Variants in FBXO10 observed in about 807,000 individuals in gnomAD.
FBXO10 encodes F-box protein 10, also known as F-box only protein 10.
FBXO10 carries 39 observed loss-of-function variants against 80.7 expected under a neutral mutation model. The ratio of observed to expected loss-of-function variants is 0.48; its 90% CI spans 0.37 to 0.63. The LOEUF is 0.63. FBXO10 is among the 30% of genes least tolerant of loss of function. The pLI is 0.00. For synonymous variants in FBXO10, 449 were observed against 489.6 expected, an observed-to-expected ratio of 0.92 and a Z score of 1.09; for missense variants, 1,025 against 1,269.0, an observed-to-expected ratio of 0.81 and a Z score of 2.92.
At chr9:37,567,297 C>T (rs971157640) in intron 1 of FBXO10, among the ~76,000 whole-genome samples, 1 of 150,712 alleles carries the variant, frequency 6.6e-6, no homozygotes, top group Non-Finnish European at 1.5e-5. Context: ...CACACGCTAC[C>T]ACACCCAGCT....
intron 3 of FBXO10, 104 bp downstream of exon 3, chr9:37,537,006 A>G (rs551228841): frequency 1.1e-4 from 97 of 868,294 alleles, no homozygotes; most frequent in Non-Finnish European, 1.6e-4. Context: ...GCGTGCGTGA[A>G]TAAGTTTAAA....
Position 37,576,365 on chromosome 9 carries a change from G to A in FBXO10, c.-161C>T, listed in dbSNP as rs1412836923. 1 of 152,180 alleles carries A rather than the reference G, an allele frequency of 6.6e-6. No homozygotes were observed. Among genetic ancestry groups the A allele is most frequent in the African/African-American group, 2.4e-5 (1 of 41,458 alleles). The allele number at this position is 152,180 out of a possible 1,614,324, so 9.4% of individuals were successfully genotyped here. ...GACAGCTGCCTGGGGATCGTGCGGA[G>A]CCGCCGCCGTCATGTGACGCGCAAG... On this transcript the variant is annotated 5_prime_UTR_variant, in exon 1 of 11. Coordinates refer to ENST00000432825, the MANE Select transcript of FBXO10 (RefSeq NM_012166.3).
chr9:37,515,891 C>T lies in FBXO10; in HGVS notation c.2696+13G>A. 1 of 1,611,956 alleles carries T rather than the reference C, an allele frequency of 6.2e-7. No homozygotes were observed. The highest frequency in any genetic ancestry group is 8.5e-7 in the Non-Finnish European group (1 of 1,178,772). ...GCTCTAGAGGACTCGTTCAGGCAAC[C>T]CCAAGCACTCACTTTTTCTTGAAGA... On this transcript the variant is annotated intron_variant, in intron 10 of 10. Coordinates refer to ENST00000432825, the MANE Select transcript of FBXO10 (RefSeq NM_012166.3).
chr9:37,536,981 T>TG (rs1234497490), intron 3 of FBXO10, 129 bp downstream of exon 3: 1 of 662,600 alleles, frequency 1.5e-6, no homozygotes, highest in African/African-American at 1.8e-5. Context: ...AATCAGATGA[T>TG]GGGCATGACG....
chr9:37,516,897 G>C (rs1183777816), intron 9 of FBXO10, among the ~76,000 whole-genome samples: 1 of 148,378 alleles, frequency 6.7e-6, no homozygotes, highest in Non-Finnish European at 1.5e-5. Context: ...GGAGGCGGAG[G>C]TTGCAGTGAG....
At chr9:37,525,636 A>C (rs1422837877) in intron 5 of FBXO10, among the ~76,000 whole-genome samples, 1 of 151,178 alleles carries the variant, frequency 6.6e-6, no homozygotes. Context: ...TGCAACCTCC[A>C]CCTCCTGGGT....
intron 1 of FBXO10, among the ~76,000 whole-genome samples, chr9:37,546,469 A>G (rs1822058890): frequency 6.6e-6 from 1 of 152,166 alleles, no homozygotes; most frequent in Non-Finnish European, 1.5e-5. Flanking sequence ...AATTTATTCT[A>G]ATTTTCCACT....
rs544122958 is a variant in FBXO10 at position 37,512,448 on chromosome 9, C to T, written c.*99G>A. ...TTTGGAGGCCCGGGACCCATTTGTT[C>T]GAGGGGGAGGGGGAGGGGCGGAGTC... On this transcript the variant is annotated 3_prime_UTR_variant, in exon 11 of 11. Transcript: ENST00000432825. 1.1e-3 allele frequency: 1,535 copies of T among 1,389,284 alleles called. 3 individuals carry two copies. Among genetic ancestry groups the T allele is most frequent in the Non-Finnish European group, 1.4e-3 (1,419 of 1,017,716 alleles). The allele number at this position is 1,389,284 out of a possible 1,614,324, so 86.1% of individuals were successfully genotyped here. A position where few individuals can be genotyped will look rare whatever the true frequency, so the allele number is the denominator to read the frequency against.
At chr9:37,529,837 C>CTTTT (rs34740759) in intron 4 of FBXO10, among the ~76,000 whole-genome samples, 8 of 140,784 alleles carry the variant, frequency 5.7e-5, no homozygotes, top group African/African-American at 1.8e-4. Context: ...CAAGAGATAT[C>CTTTT]TTTTTTTTTT....
chr9:37,553,012 TTGTGTGTGTGTGTGTGTGTGTGTGTG>T (rs74171513), intron 1 of FBXO10, among the ~76,000 whole-genome samples: 4 of 144,374 alleles, frequency 2.8e-5, no homozygotes, highest in Non-Finnish European at 4.6e-5. Context: ...CCAATTCAGG[TTGTGTGTGTGTGTGTGTGTGTGTGTG>T]TGTGTGTGTG....
chr9:37,516,448 G>C (rs1162102084), intron 9 of FBXO10, among the ~76,000 whole-genome samples: 2 of 152,210 alleles, frequency 1.3e-5, no homozygotes, highest in African/African-American at 2.4e-5. Flanking sequence ...TGCTCCCACA[G>C]TGCTCAGAGG....
chr9:37,516,403 A>G (rs1244402065), intron 9 of FBXO10, among the ~76,000 whole-genome samples: 1 of 152,202 alleles, frequency 6.6e-6, no homozygotes, highest in African/African-American at 2.4e-5. Context: ...TGGCAACCCA[A>G]CTGAGACGAA....
intron 9 of FBXO10, 106 bp downstream of exon 9, chr9:37,518,019 T>C (rs923887294): frequency 2.6e-6 from 3 of 1,172,530 alleles, no homozygotes; most frequent in Non-Finnish European, 3.6e-6. Flanking sequence ...CTGTCCCTTG[T>C]AGTGCTGAGT....
intron 3 of FBXO10, 85 bp from the exon 4 acceptor site, chr9:37,532,143 C>T (rs1821641953): frequency 7.0e-7 from 1 of 1,425,272 alleles, no homozygotes; most frequent in African/African-American, 1.4e-5. Context: ...GTCTTTTCCG[C>T]ACCACCTGAT....
chr9:37,528,527 C>T (rs932664634), intron 5 of FBXO10, among the ~76,000 whole-genome samples: 4 of 152,168 alleles, frequency 2.6e-5, no homozygotes, highest in African/African-American at 9.7e-5. Flanking sequence ...TACCCATATT[C>T]CAAAGTCTGA....
Position 37,541,568 on chromosome 9 carries a change from C to G in FBXO10, c.201G>C (p.Glu67Asp). The G allele has an allele frequency of 6.2e-7, 1 of 1,613,722 alleles. No individual in the cohort carries two copies. The highest frequency in any genetic ancestry group is 8.5e-7 in the Non-Finnish European group (1 of 1,179,748). The part of the protein sequence containing the change: ...HPNWPNQPDV[E>D]PESWREAFKQ... Reference sequence around the variant, plus strand: ...TGAAGGCTTCTCTCCAAGACTCAGGCTCCACATCTGGCTGGTTGGGCCAAT... The same window carrying G: ...TGAAGGCTTCTCTCCAAGACTCAGGGTCCACATCTGGCTGGTTGGGCCAAT... Residue 67 changes from glutamate to aspartate, a missense_variant, in exon 2 of 11, where the codon GAG becomes GAC. Transcript: ENST00000432825.
In FBXO10 at chr9:37,541,288, A is replaced by G. The variant is rs772463437; in HGVS notation, c.481T>C (p.Leu161=). The change falls in exon 2 of 11, where the codon TTG becomes CTG. Residue 161 remains leucine (L), a synonymous_variant. Coordinates refer to ENST00000432825, the MANE Select transcript of FBXO10 (RefSeq NM_012166.3). The part of the protein sequence containing the change: ...VPVEIVGQGK[L]GEVALLASID... ...CTGGCCAGCAGGGCCACTTCACCCA[A>G]CTTCCCCTGCCCTACAATCTCCACA... is the stretch of plus-strand genomic sequence containing the variant. The G allele has an allele frequency of 6.2e-7, 1 of 1,613,934 alleles. No individual in the cohort carries two copies. Among genetic ancestry groups the G allele is most frequent in the Non-Finnish European group, 8.5e-7 (1 of 1,179,872 alleles).
chr9:37,544,868 C>A (rs1384145588), intron 1 of FBXO10, among the ~76,000 whole-genome samples: 1 of 151,462 alleles, frequency 6.6e-6, no homozygotes, highest in Non-Finnish European at 1.5e-5. Context: ...GTGGCGGGTG[C>A]CTGTAGTCCC....
At chr9:37,542,338 GT>G (rs1225354990) in intron 1 of FBXO10, among the ~76,000 whole-genome samples, 1 of 151,740 alleles carries the variant, frequency 6.6e-6, no homozygotes, top group Non-Finnish European at 1.5e-5. Context: ...GCTCAGGCCT[GT>G]AATCCCAGCA....
Sources: allele counts gnomAD v4.1 joint callset (sites outside exome capture counted in the v4.1 genomes callset), GRCh38; gene constraint gnomAD v4.1.1; transcripts MANE v1.5; gene names NCBI Gene and HGNC (gene_info 2026-07-23, HGNC 2026-07-21).